Variants in SEC23A observed in about 807,000 individuals in gnomAD.
SEC23A encodes the protein protein transport protein Sec23A.
In SEC23A, 56 loss-of-function variants were observed where a neutral mutation model predicts 103.7. That is an observed-to-expected ratio of 0.54 (90% CI 0.44 to 0.67). The LOEUF (loss-of-function observed/expected upper bound fraction) is 0.67, where lower values mean the gene tolerates loss of function less well. SEC23A is among the 30% of genes least tolerant of loss of function. The probability of loss-of-function intolerance (pLI) is 0.00; values close to 1 mark genes in which losing one functional copy is unlikely to be tolerated. For missense variants in SEC23A, 784 were observed against 936.4 expected (o/e 0.84, Z 2.12); for synonymous variants, 281 against 293.0 (o/e 0.96, Z 0.42).
intron 10 of SEC23A, 39 bp from the exon 11 acceptor site, chr14:39,065,032 G>C (rs1487778827): frequency 7.6e-7 from 1 of 1,316,592 alleles, no homozygotes. Flanking sequence ...TTTCCTCAAA[G>C]ATACGTTCAA....
chr14:39,094,423 T>C (rs1887802440), intron 2 of SEC23A, among the ~76,000 whole-genome samples: 1 of 64,148 alleles, frequency 1.6e-5, no homozygotes, highest in African/African-American at 1.4e-4. Flanking sequence ...TATATATATA[T>C]ATATATATAT....
chr14:39,062,256 T>G (rs981645156), intron 12 of SEC23A, among the ~76,000 whole-genome samples: 16 of 152,196 alleles, frequency 1.1e-4, no homozygotes, highest in Admixed American at 3.3e-4. Flanking sequence ...CCGAAATGTT[T>G]TGGATTTTGT....
rs56911438 is a variant in SEC23A at position 39,041,409 on chromosome 14, C to CAAAAAAAAAAAAAAAAAAAAAAAA, written c.1987-546_1987-523dup. ...AAATCACCATAAAACAAAGAAAAAG[C>CAAAAAAAAAAAAAAAAAAAAAAAA]AAAAAAAAAAAAAAAAAAAAAAAAA... is the stretch of plus-strand genomic sequence containing the variant. On this transcript the variant is annotated intron_variant, in intron 17 of 19. Coordinates refer to ENST00000307712, the MANE Select transcript of SEC23A (RefSeq NM_006364.4). 2.2e-3 allele frequency: 32 copies of CAAAAAAAAAAAAAAAAAAAAAAAA among 14,638 alleles called. 7 individuals carry two copies. The highest frequency in any genetic ancestry group is 4.6e-3 in the Admixed American group (3 of 658). 0.9% of individuals were successfully genotyped at this position (14,638 alleles called of 1,614,324 possible).
chr14:39,077,899 C>A (rs1887094040), intron 7 of SEC23A, among the ~76,000 whole-genome samples: 1 of 152,166 alleles, frequency 6.6e-6, no homozygotes, highest in Admixed American at 6.5e-5. Context: ...CACCACTGTA[C>A]TCCAGCCAGG....
chr14:39,071,538 G>A (rs756325210), intron 9 of SEC23A, among the ~76,000 whole-genome samples: 39 of 149,804 alleles, frequency 2.6e-4, no homozygotes, highest in Admixed American at 1.7e-3. Flanking sequence ...AACACAGTGA[G>A]ACTCTGTCTC....
At chr14:39,081,041 C>G (rs988358281) in intron 7 of SEC23A, among the ~76,000 whole-genome samples, 1 of 151,906 alleles carries the variant, frequency 6.6e-6, no homozygotes, top group Non-Finnish European at 1.5e-5. Flanking sequence ...TCTGTCTCTA[C>G]AAATTTAAAA....
At chr14:39,066,490 T>A (rs7160017) in intron 10 of SEC23A, among the ~76,000 whole-genome samples, 35,711 of 149,398 alleles carry the variant, frequency 0.24, 4,706 homozygotes, top group Middle Eastern at 0.36. Flanking sequence ...TTTTTTTTTT[T>A]AAAAAAAACA....
chr14:39,085,989 T>C (rs1887430582), intron 6 of SEC23A, 83 bp from the exon 7 acceptor site: 6 of 1,232,522 alleles, frequency 4.9e-6, no homozygotes, highest in African/African-American at 1.5e-5. Flanking sequence ...TTCCTAAAAA[T>C]AGAAAACAAC....
At position 39,040,398 on chromosome 14, in the gene SEC23A, G is replaced by A. The variant is rs1244580232; in HGVS notation, c.2142+334C>T. On this transcript the variant is annotated intron_variant, in intron 18 of 19. Transcript: ENST00000307712. ...TCATAGACTTTAACAGTAAATAAAC[G>A]GCTTTAAGAAAAGTATATTACTTTC... The A allele has an allele frequency of 2.2e-5, 5 of 224,130 alleles. No individual in the cohort carries two copies. The South Asian group carries it at 3.7e-4, about 16-fold the overall frequency. 13.9% of individuals were successfully genotyped at this position (224,130 alleles called of 1,614,324 possible).
At chr14:39,061,955 A>C in intron 12 of SEC23A, 84 bp from the exon 13 acceptor site, 1 of 846,184 alleles carries the variant, frequency 1.2e-6, no homozygotes, top group Non-Finnish European at 2.1e-6. Flanking sequence ...CCTAGCACTA[A>C]AAATAATTCA....
chr14:39,081,732 TG>T (rs1202351942), intron 7 of SEC23A, among the ~76,000 whole-genome samples: 1 of 152,136 alleles, frequency 6.6e-6, no homozygotes, highest in African/African-American at 2.4e-5. Flanking sequence ...TGAACATACC[TG>T]AAAGAAACAT....
intron 19 of SEC23A, 136 bp from the exon 20 acceptor site, chr14:39,033,464 TCC>T: frequency 1.1e-5 from 2 of 181,190 alleles, no homozygotes; most frequent in Non-Finnish European, 2.1e-5. Context: ...CTAACTGGCC[TCC>T]GTCCCTGGTT....
chr14:39,060,124 C>G (rs888309129), intron 13 of SEC23A, among the ~76,000 whole-genome samples: 3 of 151,936 alleles, frequency 2.0e-5, no homozygotes, highest in Non-Finnish European at 4.4e-5. Flanking sequence ...TGTGCACACA[C>G]GTTGAGAGCC....
intron 17 of SEC23A, chr14:39,041,564 T>A (rs965990436): frequency 6.6e-6 from 1 of 151,000 alleles, no homozygotes; most frequent in Non-Finnish European, 1.5e-5. Flanking sequence ...TAATAATAAT[T>A]AAATCTTTTA....
intron 9 of SEC23A, among the ~76,000 whole-genome samples, chr14:39,073,862 C>T (rs914042055): frequency 5.9e-5 from 9 of 152,102 alleles, no homozygotes; most frequent in Non-Finnish European, 1.2e-4. Context: ...CCTGCCTTAG[C>T]CTCCCAAAGT....
At chr14:39,092,717 A>G (rs1815918572) in intron 3 of SEC23A, 90 bp from the exon 4 acceptor site, 1 of 754,902 alleles carries the variant, frequency 1.3e-6, no homozygotes, top group Non-Finnish European at 2.2e-6. Flanking sequence ...TGATCATTTA[A>G]TTATTTTTAA....
At chr14:39,067,426 T>TA in intron 9 of SEC23A, 130 bp from the exon 10 acceptor site, 1 of 930,842 alleles carries the variant, frequency 1.1e-6, no homozygotes, top group South Asian at 1.5e-5. Flanking sequence ...TGTGCTGTAT[T>TA]ACTAATTTTT....
rs769724016 is a variant in SEC23A, at chr14:39,055,133, T to C, written c.1659+10A>G. On this transcript the variant is annotated intron_variant, in intron 14 of 19. Coordinates refer to ENST00000307712, the MANE Select transcript of SEC23A (RefSeq NM_006364.4). ...TACAGATTTAGAAAAGCACAGTGTTTATTTCTTACCAGTCGAATGAGCTGT... is the reference window on the plus strand; with the variant it reads ...TACAGATTTAGAAAAGCACAGTGTTCATTTCTTACCAGTCGAATGAGCTGT... 2 of 1,614,094 alleles carry C rather than the reference T, an allele frequency of 1.2e-6. No individual in the cohort carries two copies. Among genetic ancestry groups the C allele is most frequent in the Non-Finnish European group, 1.7e-6 (2 of 1,179,968 alleles).
intron 7 of SEC23A, 43 bp downstream of exon 7, chr14:39,085,719 C>G (rs1887418328): frequency 6.7e-7 from 1 of 1,483,038 alleles, no homozygotes; most frequent in South Asian, 1.1e-5. Context: ...CACACACACA[C>G]ACACACACAC....
Sources: allele counts gnomAD v4.1 joint callset (sites outside exome capture counted in the v4.1 genomes callset), GRCh38; gene constraint gnomAD v4.1.1; transcripts MANE v1.5; gene names NCBI Gene and HGNC (gene_info 2026-07-23, HGNC 2026-07-21).